Variants in NRG3 observed in about 807,000 individuals in gnomAD.
NRG3 encodes neuregulin 3.
In NRG3, 31 loss-of-function variants were observed where a neutral mutation model predicts 66.9. The observed-to-expected ratio is 0.46, with a 90% confidence interval of 0.35 to 0.63. The LOEUF is 0.63. Ranked by LOEUF, NRG3 falls within the 20% of genes least tolerant of loss-of-function variation. The probability of loss-of-function intolerance (pLI) is 0.00; values close to 1 mark genes in which losing one functional copy is unlikely to be tolerated. For missense variants in NRG3, 910 were observed against 878.9 expected (o/e 1.04, Z -0.45); for synonymous variants, 393 against 359.4 (o/e 1.09, Z -1.06).
chr10:82,215,637 G>A (rs2075626098), intron 1 of NRG3, among the ~76,000 whole-genome samples: 1 of 151,846 alleles, frequency 6.6e-6, no homozygotes, highest in South Asian at 2.1e-4. Context: ...GGTGAAGCAG[G>A]CATTTGCTTT....
At chr10:82,504,160 A>T (rs1219703625) in intron 2 of NRG3, among the ~76,000 whole-genome samples, 1 of 152,126 alleles carries the variant, frequency 6.6e-6, no homozygotes, top group African/African-American at 2.4e-5. Context: ...TGCAGAAGGG[A>T]CGGGTTTCTA....
At chr10:82,317,332 A>C (rs1211620063) in intron 1 of NRG3, among the ~76,000 whole-genome samples, 1 of 152,114 alleles carries the variant, frequency 6.6e-6, no homozygotes, top group East Asian at 1.9e-4. Context: ...TCCAGGAAGA[A>C]AATGAATTTT....
chr10:82,030,322 G>A (rs1056554251), intron 1 of NRG3, among the ~76,000 whole-genome samples: 1 of 152,084 alleles, frequency 6.6e-6, no homozygotes, highest in African/African-American at 2.4e-5. Context: ...TGGTGATAAT[G>A]TTAATAACCA....
At chr10:82,838,674 C>T (rs975091275) in intron 3 of NRG3, among the ~76,000 whole-genome samples, 2 of 150,964 alleles carry the variant, frequency 1.3e-5, no homozygotes, top group African/African-American at 4.9e-5. Context: ...ATGAATATGA[C>T]TTCATTAAGA....
At chr10:82,183,669 C>T (rs1317449191) in intron 1 of NRG3, among the ~76,000 whole-genome samples, 1 of 151,940 alleles carries the variant, frequency 6.6e-6, no homozygotes, top group African/African-American at 2.4e-5. Context: ...GAAATTTTGC[C>T]CCTCAGAGGT....
chr10:82,383,272 T>C (rs965381227), intron 2 of NRG3, among the ~76,000 whole-genome samples: 1 of 151,978 alleles, frequency 6.6e-6, no homozygotes, highest in African/African-American at 2.4e-5. Context: ...TTTCATAAAA[T>C]CAAAATTTGT....
intron 2 of NRG3, among the ~76,000 whole-genome samples, chr10:82,380,964 CCTACAGG>C (rs1467550994): frequency 2.6e-5 from 4 of 152,058 alleles, no homozygotes; most frequent in African/African-American, 4.8e-5. Flanking sequence ...AATGCTAATA[CCTACAGG>C]TAACCACATG....
intron 1 of NRG3, among the ~76,000 whole-genome samples, chr10:82,251,753 C>T (rs542764105): frequency 2.6e-5 from 4 of 152,252 alleles, no homozygotes; most frequent in South Asian, 2.1e-4. Flanking sequence ...ATGTGGTCAC[C>T]GGGGTTAATG....
rs117845794 is a variant in NRG3, at chr10:82,338,524, A to G, written c.824-20215A>G. ...CCTTATTATCTGAACTGATTTCCTC[A>G]CTTTCCACCCCAGGAATCAATACAG... On this transcript the variant is annotated intron_variant, in intron 1 of 8. Coordinates refer to ENST00000372141, the MANE Select transcript of NRG3 (RefSeq NM_001010848.4). Among the ~76,000 whole-genome samples, 104 of 152,282 alleles carry G rather than the reference A, an allele frequency of 6.8e-4. 1 individual carries two copies. In the East Asian group the frequency reaches 0.015, roughly 22 times the overall value.
At chr10:82,756,386 A>G (rs977063308) in intron 3 of NRG3, among the ~76,000 whole-genome samples, 5 of 152,144 alleles carry the variant, frequency 3.3e-5, no homozygotes, top group Non-Finnish European at 5.9e-5. Flanking sequence ...CCGGTTTTAC[A>G]TACTAATGTA....
chr10:82,514,391 A>G (rs1167145067), intron 2 of NRG3, among the ~76,000 whole-genome samples: 1 of 152,052 alleles, frequency 6.6e-6, no homozygotes, highest in African/African-American at 2.4e-5. Context: ...TCCAGTTTCA[A>G]TTTTCTGCAT....
intron 2 of NRG3, among the ~76,000 whole-genome samples, chr10:82,643,690 T>G (rs1375087770): frequency 6.6e-6 from 1 of 152,140 alleles, no homozygotes; most frequent in Non-Finnish European, 1.5e-5. Context: ...CACTGATTAT[T>G]AAATAGTCTA....
intron 2 of NRG3, among the ~76,000 whole-genome samples, chr10:82,556,672 T>C (rs1367760580): frequency 1.3e-5 from 2 of 152,220 alleles, no homozygotes; most frequent in Non-Finnish European, 2.9e-5. Context: ...CAGGGGTACA[T>C]GTGATGGTGT....
chr10:82,350,375 G>T (rs2083354088), intron 1 of NRG3, among the ~76,000 whole-genome samples: 1 of 152,152 alleles, frequency 6.6e-6, no homozygotes, highest in Admixed American at 6.5e-5. Context: ...AAATTATGGT[G>T]ATACAGAGAC....
At chr10:82,530,160 C>G (rs1022569637) in intron 2 of NRG3, among the ~76,000 whole-genome samples, 20 of 151,992 alleles carry the variant, frequency 1.3e-4, no homozygotes. Flanking sequence ...TAAAGAGAAA[C>G]TACTTGTTTC....
chr10:82,841,986 T>A (rs1184606718), intron 3 of NRG3, among the ~76,000 whole-genome samples: 3 of 152,176 alleles, frequency 2.0e-5, no homozygotes, highest in South Asian at 4.1e-4. Flanking sequence ...ACAGAACCCA[T>A]CTCGCAGCTC....
chr10:82,245,597 C>A (rs2077201720), intron 1 of NRG3, among the ~76,000 whole-genome samples: 1 of 152,176 alleles, frequency 6.6e-6, no homozygotes, highest in African/African-American at 2.4e-5. Context: ...CTGAGATTCA[C>A]CTTCTACAAC....
chr10:82,441,599 G>A (rs1252400798), intron 2 of NRG3, among the ~76,000 whole-genome samples: 3 of 152,192 alleles, frequency 2.0e-5, no homozygotes, highest in Non-Finnish European at 2.9e-5. Context: ...GGCCCGCACA[G>A]CGATGAGAGA....
chr10:82,922,902 C>G (rs1467120684), intron 4 of NRG3, among the ~76,000 whole-genome samples: 2 of 152,180 alleles, frequency 1.3e-5, no homozygotes, highest in Admixed American at 6.5e-5. Flanking sequence ...TCGTATGAGT[C>G]ATCTTTGACA....
Sources: allele counts gnomAD v4.1 joint callset (sites outside exome capture counted in the v4.1 genomes callset), GRCh38; gene constraint gnomAD v4.1.1; transcripts MANE v1.5; gene names NCBI Gene and HGNC (gene_info 2026-07-23, HGNC 2026-07-21).